OXR1: variants seen among roughly 807,000 people sequenced by gnomAD.
OXR1 encodes oxidation resistance protein 1.
OXR1 carries 41 observed loss-of-function variants against 104.6 expected under a neutral mutation model. The ratio of observed to expected loss-of-function variants is 0.39; its 90% CI spans 0.31 to 0.51. The LOEUF is 0.51. Among genes scored for constraint, OXR1 ranks in the 20% least tolerant of loss-of-function variants. The pLI, the probability that OXR1 is intolerant of heterozygous loss-of-function variation, is 0.77. For synonymous variants in OXR1, 348 were observed against 348.4 expected, an observed-to-expected ratio of 1.00 and a Z score of 0.01; for missense variants, 955 against 1,031.9, an observed-to-expected ratio of 0.93 and a Z score of 1.02.
At chr8:106,538,241 A>T (rs1480735586) in intron 3 of OXR1, among the ~76,000 whole-genome samples, 1 of 152,216 alleles carries the variant, frequency 6.6e-6, no homozygotes, top group African/African-American at 2.4e-5. Flanking sequence ...AAATTCTTGA[A>T]TTTTAATATT....
chr8:106,336,443 A>G lies in OXR1; in HGVS notation c.-138-23033A>G, dbSNP rs548530971. On this transcript the variant is annotated intron_variant, in intron 1 of 16. Transcript: ENST00000517566. ...ATGAATCACTCCCTATTGAAGCAGT[A>G]GATCTGACTCTAGTCATTAAGGGAT... is the stretch of plus-strand genomic sequence containing the variant. Among the ~76,000 whole-genome samples the G allele has an allele frequency of 2.0e-5, 3 of 152,380 alleles. No homozygotes were observed. In the South Asian group the frequency reaches 6.2e-4, roughly 32 times the overall value.
intron 3 of OXR1, among the ~76,000 whole-genome samples, chr8:106,645,265 T>G (rs1823979931): frequency 6.6e-6 from 1 of 152,102 alleles, no homozygotes; most frequent in South Asian, 2.1e-4. Flanking sequence ...AGAAAACCAG[T>G]AGGGTAGGTA....
At chr8:106,518,136 A>G (rs1812985980) in intron 2 of OXR1, among the ~76,000 whole-genome samples, 1 of 152,228 alleles carries the variant, frequency 6.6e-6, no homozygotes, top group African/African-American at 2.4e-5. Flanking sequence ...TGAAACTTTT[A>G]GGAAATTGCA....
chr8:106,463,019 G>A (rs1036968945), intron 2 of OXR1, among the ~76,000 whole-genome samples: 16 of 151,992 alleles, frequency 1.1e-4, no homozygotes, highest in Admixed American at 1.0e-3. Flanking sequence ...GAGGTTCAGA[G>A]GGTTTAAAAT....
intron 14 of OXR1, among the ~76,000 whole-genome samples, 199 bp from the exon 15 acceptor site, chr8:106,742,023 T>C (rs1834962799): frequency 6.6e-6 from 1 of 152,186 alleles, no homozygotes; most frequent in African/African-American, 2.4e-5. Context: ...TGTATTTCCA[T>C]TGAAAAACCA....
chr8:106,433,318 T>G (rs1670389), intron 2 of OXR1, among the ~76,000 whole-genome samples: 79,074 of 151,856 alleles, frequency 0.52, 23,854 homozygotes, highest in African/African-American at 0.83. Flanking sequence ...TTCATCCAGT[T>G]CAGGGTCAGC....
Position 106,518,220 on chromosome 8 carries a change from C to T in OXR1, c.24-723C>T, listed in dbSNP as rs77150282. 9.6e-3 allele frequency among the ~76,000 whole-genome samples: 1,469 copies of T among 152,312 alleles called. 14 individuals carry two copies. Among genetic ancestry groups the T allele is most frequent in the Admixed American group, 0.015 (227 of 15,288 alleles). On this transcript the variant is annotated intron_variant, in intron 2 of 16. Transcript: ENST00000517566. ...GAAAGACTTGAAAAATGACACTTAA[C>T]ATCAGCCTGCAGAAGTACCAAGGGC... is the stretch of plus-strand genomic sequence containing the variant.
chr8:106,303,248 C>CTTTTTTTTTTT (rs1164596413), intron 1 of OXR1, among the ~76,000 whole-genome samples: 2 of 92,364 alleles, frequency 2.2e-5, no homozygotes, highest in Non-Finnish European at 4.1e-5. Context: ...TTTTTTCTTT[C>CTTTTTTTTTTT]TTTTTTTTTT....
At chr8:106,420,211 T>C (rs1818847932) in intron 2 of OXR1, among the ~76,000 whole-genome samples, 1 of 152,282 alleles carries the variant, frequency 6.6e-6, no homozygotes, top group Non-Finnish European at 1.5e-5. Context: ...ATAGCATTTG[T>C]TAAATTGGTT....
rs2130437383 is a variant in OXR1, at chr8:106,553,982, A to G, written c.220+34843A>G. ...TGTTAAACCTAAATGCCAGTCATTT[A>G]TATATGAGTTTTCATTATCCTGGAA... On this transcript the variant is annotated intron_variant, in intron 3 of 16. Coordinates refer to ENST00000517566, the MANE Select transcript of OXR1 (RefSeq NM_001198533.2). 1.3e-5 allele frequency among the ~76,000 whole-genome samples: 2 copies of G among 152,348 alleles called. 1 individual carries two copies. Among genetic ancestry groups the G allele is most frequent in the South Asian group, 4.1e-4 (2 of 4,826 alleles).
intron 1 of OXR1, among the ~76,000 whole-genome samples, chr8:106,284,778 A>T (rs1011023554): frequency 6.6e-6 from 1 of 151,378 alleles, no homozygotes; most frequent in Non-Finnish European, 1.5e-5. Context: ...TTTCCATTAT[A>T]AAAAGCTATT....
intron 2 of OXR1, among the ~76,000 whole-genome samples, chr8:106,378,977 C>T (rs1817019706): frequency 6.6e-6 from 1 of 152,120 alleles, no homozygotes; most frequent in African/African-American, 2.4e-5. Context: ...TGCCATATGC[C>T]TTATATAATG....
chr8:106,701,358 AT>A (rs1466182849), intron 7 of OXR1, among the ~76,000 whole-genome samples: 2 of 152,090 alleles, frequency 1.3e-5, no homozygotes, highest in African/African-American at 4.8e-5. Flanking sequence ...TTGGATGACC[AT>A]TTTCTGTAGA....
At chr8:106,649,745 G>A (rs1824395337) in intron 3 of OXR1, among the ~76,000 whole-genome samples, 1 of 151,934 alleles carries the variant, frequency 6.6e-6, no homozygotes, top group Non-Finnish European at 1.5e-5. Context: ...CGCCCAGGCT[G>A]GAGTGCAGTG....
At chr8:106,305,227 CT>C (rs1182784581) in intron 1 of OXR1, among the ~76,000 whole-genome samples, 2 of 151,998 alleles carry the variant, frequency 1.3e-5, no homozygotes, top group Non-Finnish European at 2.9e-5. Flanking sequence ...ATGTTTCATT[CT>C]TTTTTTGGTA....
At chr8:106,611,365 A>G (rs1225030005) in intron 3 of OXR1, among the ~76,000 whole-genome samples, 1 of 152,192 alleles carries the variant, frequency 6.6e-6, no homozygotes, top group East Asian at 1.9e-4. Flanking sequence ...TGAAGGCCAG[A>G]ACCTGGAGTG....
intron 3 of OXR1, among the ~76,000 whole-genome samples, chr8:106,668,208 C>A (rs1826550790): frequency 6.6e-6 from 1 of 151,994 alleles, no homozygotes; most frequent in Non-Finnish European, 1.5e-5. Context: ...TCTCTAGTAA[C>A]CTTTTAGAAT....
chr8:106,639,234 C>G (rs1823425977), intron 3 of OXR1, among the ~76,000 whole-genome samples: 1 of 152,098 alleles, frequency 6.6e-6, no homozygotes, highest in South Asian at 2.1e-4. Context: ...TTTTAAATTT[C>G]AGTCTGATTG....
At chr8:106,519,897 C>G (rs1397014080) in intron 3 of OXR1, among the ~76,000 whole-genome samples, 2 of 152,122 alleles carry the variant, frequency 1.3e-5, no homozygotes, top group Non-Finnish European at 2.9e-5. Context: ...ATGTCTTTGG[C>G]CTTGCTTTTT....
Sources: allele counts gnomAD v4.1 joint callset (sites outside exome capture counted in the v4.1 genomes callset), GRCh38; gene constraint gnomAD v4.1.1; transcripts MANE v1.5; gene names NCBI Gene and HGNC (gene_info 2026-07-23, HGNC 2026-07-21).